The following CLIP4 variants were observed in gnomAD, a reference collection of about 807,000 sequenced individuals.
CLIP4 encodes CAP-Gly domain containing linker protein family member 4.
A neutral mutation model predicts 73.1 loss-of-function variants in CLIP4; 47 were observed. That is an observed-to-expected ratio of 0.64 (90% CI 0.51 to 0.82). The LOEUF is 0.82. CLIP4 is among the 40% of genes least tolerant of loss of function. The probability of loss-of-function intolerance (pLI) is 0.00; values close to 1 mark genes in which losing one functional copy is unlikely to be tolerated. For missense variants in CLIP4, 874 were observed against 852.9 expected (o/e 1.02, Z -0.31); for synonymous variants, 306 against 295.4 (o/e 1.04, Z -0.37).
At chr2:29,134,004 G>A (rs1451314674) in intron 5 of CLIP4, among the ~76,000 whole-genome samples, 188 bp downstream of exon 5, 1 of 151,994 alleles carries the variant, frequency 6.6e-6, no homozygotes, top group African/African-American at 2.4e-5. Flanking sequence ...TCTACAAAAG[G>A]ATTAGTACAG....
Position 29,157,278 on chromosome 2 carries a change from C to A in CLIP4, c.1330C>A (p.Gln444Lys). The change falls in exon 11 of 16, where the codon CAG becomes AAG. Residue 444 changes from glutamine to lysine, a missense_variant. Physicochemically the swap from Gln to Lys is moderately conservative, Grantham distance 53 (BLOSUM62 1). Coordinates refer to ENST00000320081, the MANE Select transcript of CLIP4 (RefSeq NM_024692.6). ...ACACAGACAGAGCTACCCCAAGAAA[C>A]AGAATGCAATCAGCAGTAACAAGAA... ...LEHRQSYPKK[Q>K]NAISSNKKTM... The A allele has an allele frequency of 6.2e-7, 1 of 1,614,160 alleles. No individual in the cohort carries two copies. Among genetic ancestry groups the A allele is most frequent in the South Asian group, 1.1e-5 (1 of 91,082 alleles).
intron 15 of CLIP4, chr2:29,174,726 T>A: frequency 9.7e-7 from 1 of 1,034,114 alleles, no homozygotes; most frequent in Non-Finnish European, 1.2e-6. Flanking sequence ...TATTGTCTTT[T>A]CATTAAGTAG....
At chr2:29,114,585 G>A (rs1668475201), upstream of CLIP4, among the ~76,000 whole-genome samples, 1 of 152,184 alleles carries the variant, frequency 6.6e-6, no homozygotes, top group Non-Finnish European at 1.5e-5. Flanking sequence ...GAGGATTCAG[G>A]CAAGTGGGAA....
At chr2:29,100,265 T>A (rs1044242628) in intron 1 of CLIP4, among the ~76,000 whole-genome samples, 2 of 152,120 alleles carry the variant, frequency 1.3e-5, no homozygotes, top group African/African-American at 4.8e-5. Context: ...ACCTTTTAAA[T>A]CCCCTCTTTG....
intron 1 of CLIP4, 104 bp from the exon 2 acceptor site, chr2:29,121,270 C>T: frequency 3.6e-6 from 4 of 1,125,666 alleles, no homozygotes; most frequent in South Asian, 3.3e-5. Context: ...CTGAAAATGT[C>T]AGCAGATTTG....
intron 2 of CLIP4, among the ~76,000 whole-genome samples, chr2:29,123,675 G>A (rs1664411773): frequency 6.6e-6 from 1 of 152,226 alleles, no homozygotes; most frequent in Non-Finnish European, 1.5e-5. Context: ...TGGCTGAGAA[G>A]CAAAGTGATT....
chr2:29,165,505 T>C (rs1239186819), intron 13 of CLIP4, among the ~76,000 whole-genome samples: 1 of 152,206 alleles, frequency 6.6e-6, no homozygotes, highest in Non-Finnish European at 1.5e-5. Flanking sequence ...ATGTGTGCCC[T>C]TAACCGTAAC....
intron 15 of CLIP4, among the ~76,000 whole-genome samples, chr2:29,177,968 TTACCC>T (rs1489192813): frequency 2.0e-5 from 3 of 152,230 alleles, no homozygotes; most frequent in Non-Finnish European, 4.4e-5. Flanking sequence ...CGTTAAGTGT[TTACCC>T]AACCCATTAA....
chr2:29,157,487 C>A, intron 11 of CLIP4, 140 bp downstream of exon 11: 1 of 1,345,252 alleles, frequency 7.4e-7, no homozygotes, highest in Non-Finnish European at 1.0e-6. Flanking sequence ...CCCCACCTCC[C>A]CCGAACCTTA....
At chr2:29,101,300 C>CAA (rs1174781959) in intron 1 of CLIP4, among the ~76,000 whole-genome samples, 2 of 83,546 alleles carry the variant, frequency 2.4e-5, no homozygotes, top group Admixed American at 1.3e-4. Context: ...CCCCCCAAAA[C>CAA]AAAAAAAAAA....
At position 29,167,526 on chromosome 2, in the gene CLIP4, A is replaced by T. The variant is rs1667702740; in HGVS notation, c.1709A>T (p.Asn570Ile). Reference protein sequence around the residue: ...TLSEISSNKQNHSYPGFRRSF... With the variant: ...TLSEISSNKQIHSYPGFRRSF... ...TCAGAAATTTCTTCAAATAAACAGA[A>T]CCATTCTTATCCTGGTAAGACTACA... Residue 570 changes from asparagine to isoleucine, a missense_variant, in exon 14 of 16, where the codon AAC becomes ATC. Coordinates refer to ENST00000320081, the MANE Select transcript of CLIP4 (RefSeq NM_024692.6). 4.4e-6 allele frequency: 7 copies of T among 1,607,496 alleles called. No homozygotes were observed. The highest frequency in any genetic ancestry group is 5.9e-6 in the Non-Finnish European group (7 of 1,176,748).
intron 1 of CLIP4, among the ~76,000 whole-genome samples, chr2:29,101,799 A>G (rs1668057578): frequency 6.6e-6 from 1 of 152,148 alleles, no homozygotes; most frequent in Admixed American, 6.5e-5. Flanking sequence ...TCCCAGGACC[A>G]TTGGTTTTTG....
chr2:29,130,543 C>T (rs1664900246), intron 2 of CLIP4: 2 of 814,074 alleles, frequency 2.5e-6, no homozygotes, highest in Non-Finnish European at 3.1e-6. Flanking sequence ...TAGGTCCTTA[C>T]AGGTTTTCCT....
At chr2:29,160,204 C>A in intron 11 of CLIP4, 129 bp from the exon 12 acceptor site, 1 of 1,130,422 alleles carries the variant, frequency 8.8e-7, no homozygotes, top group South Asian at 1.4e-5. Context: ...ATATCAAAAT[C>A]ACCAACTAAC....
intron 1 of CLIP4, among the ~76,000 whole-genome samples, chr2:29,105,202 C>A (rs77683615): frequency 0.023 from 3,563 of 152,088 alleles, 117 homozygotes; most frequent in East Asian, 0.091. Context: ...TTTTAAATGC[C>A]GGTTGGTGTT....
intron 1 of CLIP4, among the ~76,000 whole-genome samples, chr2:29,107,500 T>C (rs928635772): frequency 2.0e-5 from 3 of 149,116 alleles, no homozygotes; most frequent in Non-Finnish European, 4.4e-5. Flanking sequence ...GCCTCCCAAG[T>C]AGCTGGGACT....
chr2:29,176,593 G>A (rs901209278), intron 15 of CLIP4, among the ~76,000 whole-genome samples: 3 of 152,212 alleles, frequency 2.0e-5, no homozygotes, highest in Non-Finnish European at 4.4e-5. Flanking sequence ...GAGGGAAGCA[G>A]CTCTGTCTTC....
At chr2:29,149,221 T>C (rs1192114186) in intron 8 of CLIP4, among the ~76,000 whole-genome samples, 1 of 152,204 alleles carries the variant, frequency 6.6e-6, no homozygotes, top group Non-Finnish European at 1.5e-5. Flanking sequence ...GATATGGCTG[T>C]TGGGCCATAG....
chr2:29,165,974 TC>T (rs1362185809), intron 13 of CLIP4, among the ~76,000 whole-genome samples: 6 of 84,724 alleles, frequency 7.1e-5, no homozygotes, highest in Non-Finnish European at 1.0e-4. Context: ...CCCCTCTTCT[TC>T]AAAAAAAAAA....
Sources: allele counts gnomAD v4.1 joint callset (sites outside exome capture counted in the v4.1 genomes callset), GRCh38; gene constraint gnomAD v4.1.1; transcripts MANE v1.5; gene names NCBI Gene and HGNC (gene_info 2026-07-23, HGNC 2026-07-21).